The following ADAMTS14 variants were observed in gnomAD, a reference collection of about 807,000 sequenced individuals.
The protein encoded by ADAMTS14 is A disintegrin and metalloproteinase with thrombospondin motifs 14.
A neutral mutation model predicts 128.6 loss-of-function variants in ADAMTS14; 100 were observed. The observed-to-expected ratio is 0.78, with a 90% CI of 0.66 to 0.92. ADAMTS14 has a LOEUF of 0.92. Among genes scored for constraint, ADAMTS14 ranks in the 40% least tolerant of loss-of-function variants. ADAMTS14 has a pLI of 0.00. For synonymous variants in ADAMTS14, 665 were observed against 653.8 expected (o/e 1.02, Z -0.26); for missense variants, 1,562 against 1,658.6 (o/e 0.94, Z 1.01).
chr10:70,704,440 C>G (rs1840590522), intron 3 of ADAMTS14, among the ~76,000 whole-genome samples: 1 of 151,934 alleles, frequency 6.6e-6, no homozygotes, highest in African/African-American at 2.4e-5. Context: ...ACCCATGCAC[C>G]CACACTCACA....
At chr10:70,724,233 G>C (rs1249379707) in intron 4 of ADAMTS14, among the ~76,000 whole-genome samples, 4 of 152,174 alleles carry the variant, frequency 2.6e-5, no homozygotes, top group Admixed American at 2.6e-4. Context: ...TCAATATGTG[G>C]TGCTGAATCC....
chr10:70,679,397 A>G (rs1050056084), intron 2 of ADAMTS14, among the ~76,000 whole-genome samples: 2 of 152,158 alleles, frequency 1.3e-5, no homozygotes, highest in Non-Finnish European at 2.9e-5. Flanking sequence ...GAATGTGTCC[A>G]GTGACCTGAC....
At chr10:70,759,829 T>A (rs1038588004) in intron 21 of ADAMTS14, among the ~76,000 whole-genome samples, 1 of 152,138 alleles carries the variant, frequency 6.6e-6, no homozygotes, top group Admixed American at 6.5e-5. Context: ...GGTTCCCACT[T>A]CCATCCAGAG....
intron 12 of ADAMTS14, among the ~76,000 whole-genome samples, 182 bp downstream of exon 12, chr10:70,741,344 A>G (rs566614555): frequency 1.3e-5 from 2 of 152,318 alleles, no homozygotes; most frequent in African/African-American, 4.8e-5. Flanking sequence ...TGTTCTTGGT[A>G]TACTTCTGGG....
Position 70,744,136 on chromosome 10 carries a change from A to G in ADAMTS14, c.2129A>G (p.Asn710Ser), listed in dbSNP as rs1480169649. 6.4e-7 allele frequency: 1 copy of G among 1,558,826 alleles called. No homozygotes were observed. The highest frequency in any genetic ancestry group is 8.7e-7 in the Non-Finnish European group (1 of 1,151,244). ...DDKCGVCGGDNSHCRTVKGTL... is the reference protein window; with the variant it reads ...DDKCGVCGGDSSHCRTVKGTL... ...AAGTGTGGAGTCTGCGGGGGTGACAACTCCCACTGCAGGACTGTGAAGGGG... is the reference window on the plus strand; with the variant it reads ...AAGTGTGGAGTCTGCGGGGGTGACAGCTCCCACTGCAGGACTGTGAAGGGG... Residue 710 changes from asparagine (N) to serine (S), a missense_variant, in exon 14 of 22, where the codon AAC becomes AGC. By Grantham distance (46) the Asn-to-Ser change is conservative. Transcript: ENST00000373207.
chr10:70,734,745 G>C (rs118056179), intron 8 of ADAMTS14, among the ~76,000 whole-genome samples: 23 of 152,340 alleles, frequency 1.5e-4, no homozygotes, highest in Non-Finnish European at 3.1e-4. Context: ...CCCCGTACAG[G>C]AGCTGGCCAG....
intron 2 of ADAMTS14, among the ~76,000 whole-genome samples, chr10:70,689,845 C>T (rs1840134545): frequency 6.9e-6 from 1 of 145,186 alleles, no homozygotes; most frequent in Admixed American, 6.8e-5. Flanking sequence ...TCCCCAGGGA[C>T]TGCCAGGGCC....
At chr10:70,708,214 C>A (rs1044648484) in intron 3 of ADAMTS14, among the ~76,000 whole-genome samples, 19 of 152,022 alleles carry the variant, frequency 1.2e-4, no homozygotes, top group African/African-American at 4.3e-4. Flanking sequence ...TTTACAGCAA[C>A]CTTGTGGGTT....
At chr10:70,717,649 A>G (rs1024658326) in intron 4 of ADAMTS14, among the ~76,000 whole-genome samples, 2 of 152,092 alleles carry the variant, frequency 1.3e-5, no homozygotes, top group African/African-American at 4.8e-5. Flanking sequence ...ACATGGGGAT[A>G]TTGGGGAACC....
intron 4 of ADAMTS14, among the ~76,000 whole-genome samples, chr10:70,713,036 C>G: frequency 6.6e-6 from 1 of 152,034 alleles, no homozygotes. Context: ...AGGGCAGTGG[C>G]GGGGGTGAGT....
intron 2 of ADAMTS14, among the ~76,000 whole-genome samples, chr10:70,677,730 C>T (rs1839688764): frequency 6.6e-6 from 1 of 152,198 alleles, no homozygotes; most frequent in South Asian, 2.1e-4. Context: ...TGACTGCCTT[C>T]CACTGGGGCC....
intron 4 of ADAMTS14, among the ~76,000 whole-genome samples, chr10:70,715,769 C>T (rs1407248795): frequency 1.3e-5 from 2 of 152,132 alleles, no homozygotes; most frequent in Non-Finnish European, 2.9e-5. Context: ...GCTGGCCTGG[C>T]CTGAAACGTG....
intron 16 of ADAMTS14, 48 bp from the exon 17 acceptor site, chr10:70,751,430 C>T: frequency 1.3e-6 from 2 of 1,573,946 alleles, no homozygotes; most frequent in Non-Finnish European, 1.7e-6. Flanking sequence ...GTGCATGCCG[C>T]CCTTGCTTCT....
At chr10:70,693,512 G>A (rs760102650) in intron 2 of ADAMTS14, among the ~76,000 whole-genome samples, 45 of 152,138 alleles carry the variant, frequency 3.0e-4, no homozygotes, top group Non-Finnish European at 5.1e-4. Flanking sequence ...CATCCTAGGT[G>A]CCTTATGTAT....
At chr10:70,683,863 C>T (rs921251178) in intron 2 of ADAMTS14, among the ~76,000 whole-genome samples, 16 of 152,128 alleles carry the variant, frequency 1.1e-4, no homozygotes, top group African/African-American at 3.6e-4. Context: ...TCCAGTAGGC[C>T]GTCTCAGGGT....
chr10:70,704,721 C>G (rs2132602134), intron 3 of ADAMTS14, among the ~76,000 whole-genome samples: 1 of 151,516 alleles, frequency 6.6e-6, no homozygotes, highest in East Asian at 1.9e-4. Context: ...CACATAGACA[C>G]ACACCACCCA....
chr10:70,724,751 C>T (rs1035071107), intron 4 of ADAMTS14, among the ~76,000 whole-genome samples: 1 of 151,940 alleles, frequency 6.6e-6, no homozygotes, highest in African/African-American at 2.4e-5. Context: ...AGGACTGCAA[C>T]AGGGGACTTG....
chr10:70,732,351 C>T lies in ADAMTS14; in HGVS notation c.1200C>T (p.Thr400=), dbSNP rs750828698. ...FSSAFVIAHE[T]GHVLGMEHDG... ...CAGCCTTCGTGATAGCTCATGAGAC[C>T]GGCCACGTGTAAGTGGCAGCAGCAC... is the stretch of plus-strand genomic sequence containing the variant. Residue 400 remains threonine, a synonymous_variant, in exon 7 of 22, where the codon ACC becomes ACT. Coordinates refer to ENST00000373207, the MANE Select transcript of ADAMTS14 (RefSeq NM_080722.4). 57 of 1,613,556 alleles carry T rather than the reference C, an allele frequency of 3.5e-5. No homozygotes were observed. The highest frequency in any genetic ancestry group is 6.7e-5 in the Admixed American group (4 of 59,984).
At chr10:70,704,433 C>G (rs1299926683) in intron 3 of ADAMTS14, among the ~76,000 whole-genome samples, 1 of 151,900 alleles carries the variant, frequency 6.6e-6, no homozygotes, top group African/African-American at 2.4e-5. Context: ...GGCACACACC[C>G]ATGCACCCAC....
Sources: allele counts gnomAD v4.1 joint callset (sites outside exome capture counted in the v4.1 genomes callset), GRCh38; gene constraint gnomAD v4.1.1; transcripts MANE v1.5; gene names NCBI Gene and HGNC (gene_info 2026-07-23, HGNC 2026-07-21).